SLC17A9: variants seen among roughly 807,000 people sequenced by gnomAD.
The protein encoded by SLC17A9 is voltage-gated purine nucleotide uniporter SLC17A9.
In SLC17A9, 49 loss-of-function variants were observed where a neutral mutation model predicts 55.0. The observed-to-expected ratio is 0.89, with a 90% confidence interval of 0.71 to 1.13. The LOEUF is 1.13. SLC17A9 is among the 50% of genes most tolerant of loss of function. SLC17A9 has a pLI of 0.00. For missense variants in SLC17A9, 526 were observed against 569.3 expected (o/e 0.92, Z 0.77); for synonymous variants, 256 against 247.4 (o/e 1.03, Z -0.32).
chr20:62,964,160 T>G, intron 7 of SLC17A9, 68 bp from the exon 8 acceptor site: 2 of 1,528,814 alleles, frequency 1.3e-6, no homozygotes, highest in South Asian at 2.2e-5. Flanking sequence ...CTGTCCAGCC[T>G]GAGTATCCTC....
At chr20:62,965,025 C>A in intron 8 of SLC17A9, 107 bp from the exon 9 acceptor site, 1 of 1,314,632 alleles carries the variant, frequency 7.6e-7, no homozygotes, top group Non-Finnish European at 1.1e-6. Context: ...GAGCCCCAAG[C>A]CTCTTCCTCC....
chr20:62,960,416 TC>T, intron 3 of SLC17A9, 87 bp from the exon 4 acceptor site: 1 of 1,276,720 alleles, frequency 7.8e-7, no homozygotes, highest in Non-Finnish European at 1.1e-6. Context: ...GTGGACGTCC[TC>T]TGGAATCACA....
Position 62,960,541 on chromosome 20 carries a change from G to T in SLC17A9, c.435G>T (p.Gln145His). 6.2e-7 allele frequency: 1 copy of T among 1,613,640 alleles called. No individual in the cohort carries two copies. The change falls in exon 4 of 13, where the codon CAG becomes CAT. Residue 145 changes from glutamine to histidine, a missense_variant. Coordinates refer to ENST00000370351, the MANE Select transcript of SLC17A9 (RefSeq NM_022082.4). ...YFPALTSLLS[Q>H]KVRESERAFT... Reference sequence around the variant, plus strand: ...CTGCCCTGACCAGCCTGCTGTCGCAGAAGGTGCGGGAGAGTGAGCGAGCCT... The same window carrying T: ...CTGCCCTGACCAGCCTGCTGTCGCATAAGGTGCGGGAGAGTGAGCGAGCCT...
Position 62,965,703 on chromosome 20 carries a change from G to A in SLC17A9, c.1039G>A (p.Gly347Ser), listed in dbSNP as rs780375409. Reference sequence around the variant, plus strand: ...TGTGGTCTTTGCATCAGCCTCCATCGGCCTCCAGACCTTCAACCACAGGTG... The same window carrying A: ...TGTGGTCTTTGCATCAGCCTCCATCAGCCTCCAGACCTTCAACCACAGGTG... The part of the protein sequence containing the change: ...ESVVFASASI[G>S]LQTFNHSGIS... Residue 347 changes from glycine to serine, a missense_variant, in exon 10 of 13, where the codon GGC (glycine) becomes AGC (serine). By Grantham distance (56) the Gly-to-Ser change is moderately conservative. Transcript: ENST00000370351. 3 of 1,613,694 alleles carry A rather than the reference G, an allele frequency of 1.9e-6. No homozygotes were observed. Among genetic ancestry groups the A allele is most frequent in the Admixed American group, 1.7e-5 (1 of 59,998 alleles).
At chr20:62,967,197 T>C in intron 12 of SLC17A9, 140 bp from the exon 13 acceptor site, 1 of 1,013,458 alleles carries the variant, frequency 9.9e-7, no homozygotes, top group Non-Finnish European at 1.5e-6. Context: ...GGACACTGAA[T>C]TCAGCCCTGG....
intron 9 of SLC17A9, among the ~76,000 whole-genome samples, 165 bp downstream of exon 9, chr20:62,965,331 C>T (rs2147660247): frequency 6.6e-6 from 1 of 152,348 alleles, no homozygotes; most frequent in East Asian, 1.9e-4. Flanking sequence ...GTTTAGACAG[C>T]TGTTGGGGGG....
At chr20:62,955,738 T>G (rs1206775310) in intron 1 of SLC17A9, among the ~76,000 whole-genome samples, 1 of 152,328 alleles carries the variant, frequency 6.6e-6, no homozygotes, top group East Asian at 1.9e-4. Context: ...ACAGAGAGCC[T>G]GGGGCTAGGT....
At chr20:62,963,030 G>T in intron 5 of SLC17A9, 1 of 631,692 alleles carries the variant, frequency 1.6e-6, no homozygotes. Flanking sequence ...CCGAGTCTTT[G>T]GGTGGCCAGG....
chr20:62,962,575 C>T lies in SLC17A9; in HGVS notation c.498-49C>T, dbSNP rs1178251360. 1.3e-5 allele frequency: 21 copies of T among 1,603,846 alleles called. No homozygotes were observed. The highest frequency in any genetic ancestry group is 1.8e-5 in the Non-Finnish European group (21 of 1,174,644). ...GGGTTTCTGAGAGGCCCCTCCTCAC[C>T]CGAGGGGTGCCGCTGAGGGGCCTGG... On this transcript the variant is annotated intron_variant, in intron 4 of 12. Coordinates refer to ENST00000370351, the MANE Select transcript of SLC17A9 (RefSeq NM_022082.4). This position sits in a 1 kb window ranked among gnomAD's most constrained non-coding sequence, Gnocchi z 5.5.
intron 8 of SLC17A9, 39 bp downstream of exon 8, chr20:62,964,354 C>A (rs1305534275): frequency 6.3e-7 from 1 of 1,598,580 alleles, no homozygotes; most frequent in African/African-American, 1.3e-5. Context: ...GAAGCCACAC[C>A]CTGGTTCACC....
chr20:62,953,061 C>T, intron 1 of SLC17A9, 172 bp downstream of exon 1: 2 of 1,189,578 alleles, frequency 1.7e-6, no homozygotes, highest in Admixed American at 2.1e-5. Context: ...GAAGTGAGTG[C>T]CCTGTCCTTC....
intron 4 of SLC17A9, among the ~76,000 whole-genome samples, chr20:62,961,485 C>T (rs925282556): frequency 7.9e-5 from 12 of 152,130 alleles, no homozygotes; most frequent in African/African-American, 2.7e-4. Flanking sequence ...CGGCCTGGAT[C>T]GAGGCCAGGC....
At position 62,968,722 on chromosome 20, in the gene SLC17A9, G is replaced by A. The variant is rs1413344817; in HGVS notation, c.*1222G>A. On this transcript the variant is annotated 3_prime_UTR_variant, in exon 13 of 13. Coordinates refer to ENST00000370351, the MANE Select transcript of SLC17A9 (RefSeq NM_022082.4). Reference sequence around the variant, plus strand: ...CAGGTCAAAGGAGAATCCCAGGAACGGACTCCTAGGCCGGGAGTGTTGAAA... The same window carrying A: ...CAGGTCAAAGGAGAATCCCAGGAACAGACTCCTAGGCCGGGAGTGTTGAAA... 3 of 152,210 alleles carry A rather than the reference G, an allele frequency of 2.0e-5. No homozygotes were observed. The highest frequency in any genetic ancestry group is 7.2e-5 in the African/African-American group (3 of 41,448). The allele number at this position is 152,210 out of a possible 1,614,324, so 9.4% of individuals were successfully genotyped here.
intron 1 of SLC17A9, 103 bp from the exon 2 acceptor site, chr20:62,956,662 C>A: frequency 9.1e-7 from 1 of 1,094,032 alleles, no homozygotes; most frequent in Non-Finnish European, 1.3e-6. Flanking sequence ...TGTCCCCATT[C>A]ACAGTCCATG....
intron 6 of SLC17A9, 53 bp from the exon 7 acceptor site, chr20:62,963,531 G>A: frequency 6.4e-7 from 1 of 1,552,742 alleles, no homozygotes; most frequent in Non-Finnish European, 8.7e-7. Context: ...GGTCCCACAG[G>A]CCCGGCCAGC....
At chr20:62,955,141 T>C (rs982172016) in intron 1 of SLC17A9, among the ~76,000 whole-genome samples, 1 of 149,890 alleles carries the variant, frequency 6.7e-6, no homozygotes, top group Non-Finnish European at 1.5e-5. Context: ...TTTTTTTTCT[T>C]TTTTTTTTTG....
chr20:62,958,651 G>C lies in SLC17A9; in HGVS notation c.397+1071G>C, dbSNP rs1378233952. ...GAGCCGGCATCAGGTTCAGAGCGCTGGCCATGGCTCCCCTAGAACCTCTGC... is the reference window on the plus strand; with the variant it reads ...GAGCCGGCATCAGGTTCAGAGCGCTCGCCATGGCTCCCCTAGAACCTCTGC... On this transcript the variant is annotated intron_variant, in intron 3 of 12. Transcript: ENST00000370351. This position sits in a 1 kb window ranked among gnomAD's most constrained non-coding sequence, Gnocchi z 4.1. Among the ~76,000 whole-genome samples, 2 of 152,192 alleles carry C rather than the reference G, an allele frequency of 1.3e-5. No homozygotes were observed. The highest frequency in any genetic ancestry group is 3.9e-4 in the East Asian group (2 of 5,170).
At chr20:62,961,648 C>A (rs2065590037) in intron 4 of SLC17A9, among the ~76,000 whole-genome samples, 1 of 152,190 alleles carries the variant, frequency 6.6e-6, no homozygotes, top group Non-Finnish European at 1.5e-5. Flanking sequence ...CGGGAGCAGG[C>A]CCAGGCAGGC....
chr20:62,957,243 C>T, intron 2 of SLC17A9, 198 bp from the exon 3 acceptor site: 1 of 985,376 alleles, frequency 1.0e-6, no homozygotes, highest in Non-Finnish European at 1.2e-6. Flanking sequence ...CCCCAGGGCC[C>T]TGCAGGCAGA....
Sources: allele counts gnomAD v4.1 joint callset (sites outside exome capture counted in the v4.1 genomes callset), GRCh38; gene constraint gnomAD v4.1.1; non-coding constraint Gnocchi (gnomAD v3.1); transcripts MANE v1.5; gene names NCBI Gene and HGNC (gene_info 2026-07-23, HGNC 2026-07-21).